NSUN3: variants seen among roughly 807,000 people sequenced by gnomAD.
NSUN3 encodes tRNA (cytosine(34)-C(5))-methyltransferase, mitochondrial.
Under a neutral mutation model 36.8 loss-of-function variants are expected in NSUN3, and 24 were observed. The observed-to-expected ratio is 0.65, with a 90% CI of 0.47 to 0.92. NSUN3 has a LOEUF of 0.92. NSUN3 is among the 40% of genes least tolerant of loss of function. The pLI, the probability that NSUN3 is intolerant of heterozygous loss-of-function variation, is 0.00. For synonymous variants in NSUN3, 146 were observed against 145.2 expected (o/e 1.01, Z -0.04); for missense variants, 381 against 392.8 (o/e 0.97, Z 0.25).
intron 2 of NSUN3, among the ~76,000 whole-genome samples, chr3:94,075,739 C>T (rs545397085): frequency 6.6e-6 from 1 of 151,958 alleles, no homozygotes; most frequent in South Asian, 2.1e-4. Flanking sequence ...AGCCCCCCCC[C>T]CCAATAATAT....
intron 2 of NSUN3, chr3:94,075,815 T>C: frequency 2.2e-6 from 2 of 895,556 alleles, no homozygotes; most frequent in Non-Finnish European, 3.3e-6. Flanking sequence ...GAGGGATACC[T>C]GAACAAAGTC....
intron 2 of NSUN3, among the ~76,000 whole-genome samples, chr3:94,083,808 C>T (rs1359368459): frequency 1.3e-5 from 2 of 152,146 alleles, no homozygotes; most frequent in African/African-American, 2.4e-5. Flanking sequence ...TCCTTGTCTT[C>T]AGACTCTATT....
intron 3 of NSUN3, 83 bp from the exon 4 acceptor site, chr3:94,094,055 TTC>T (rs2077327277): frequency 3.1e-6 from 3 of 983,048 alleles, no homozygotes; most frequent in Non-Finnish European, 1.5e-6. Flanking sequence ...ATGAGTTAAT[TTC>T]TTTCTGAAAT....
chr3:94,079,938 C>G (rs1389424582), intron 2 of NSUN3, among the ~76,000 whole-genome samples: 2 of 152,078 alleles, frequency 1.3e-5, no homozygotes, highest in African/African-American at 4.8e-5. Flanking sequence ...GTCAGTTTGT[C>G]AAACTCATTC....
Position 94,131,667 on chromosome 3 carries a change from G to A in NSUN3, c.*5177G>A, listed in dbSNP as rs963539142. Among the ~76,000 whole-genome samples the A allele has an allele frequency of 1.3e-5, 2 of 152,202 alleles. No individual in the cohort carries two copies. The highest frequency in any genetic ancestry group is 4.8e-5 in the African/African-American group (2 of 41,452). ...TTGGAGCAGACTTGCAGTGTCAATT[G>A]TAAAGCAAAGAGTAATTGATATTAC... On this transcript the variant is annotated 3_prime_UTR_variant, in exon 6 of 6. Transcript: ENST00000314622.
intron 5 of NSUN3, among the ~76,000 whole-genome samples, chr3:94,104,685 A>G (rs1576095682): frequency 1.3e-5 from 2 of 152,240 alleles, no homozygotes; most frequent in East Asian, 1.9e-4. Flanking sequence ...CTACTGAAGT[A>G]TTTCTAATAA....
intron 3 of NSUN3, among the ~76,000 whole-genome samples, chr3:94,090,875 G>A (rs2077312152): frequency 6.6e-6 from 1 of 152,084 alleles, no homozygotes; most frequent in Non-Finnish European, 1.5e-5. Context: ...GCCTACCCAA[G>A]TAGAGCATCT....
At chr3:94,081,656 A>G (rs2077269651) in intron 2 of NSUN3, 2 of 152,194 alleles carry the variant, frequency 1.3e-5, no homozygotes, top group South Asian at 2.1e-4. Flanking sequence ...ATAATATACA[A>G]AAGCTAATGT....
intron 2 of NSUN3, among the ~76,000 whole-genome samples, chr3:94,066,828 A>G (rs138733801): frequency 6.6e-5 from 10 of 152,182 alleles, no homozygotes; most frequent in African/African-American, 2.2e-4. Flanking sequence ...CTACCTGCAT[A>G]TTTTATCTCA....
At chr3:94,064,707 A>C (rs1168086657) in intron 2 of NSUN3, among the ~76,000 whole-genome samples, 161 bp downstream of exon 2, 1 of 152,220 alleles carries the variant, frequency 6.6e-6, no homozygotes, top group East Asian at 1.9e-4. Flanking sequence ...AAGAAATAGA[A>C]TGAATCATAG....
At chr3:94,101,784 C>A (rs960418940) in intron 5 of NSUN3, among the ~76,000 whole-genome samples, 4 of 152,026 alleles carry the variant, frequency 2.6e-5, no homozygotes, top group East Asian at 1.9e-4. Flanking sequence ...TAATCAAATT[C>A]TTTTGCCTCA....
rs753321199 is a variant in NSUN3, at chr3:94,126,860, C to T, written c.*370C>T. On this transcript the variant is annotated 3_prime_UTR_variant, in exon 6 of 6. Transcript: ENST00000314622. The stretch of plus-strand genomic sequence containing the variant: ...CAAAAATTCACATTTTCCAGCGCTC[C>T]GACCATTTTCCCGCTTATCAAATGT... 2.5e-4 allele frequency: 40 copies of T among 162,230 alleles called. 1 individual carries two copies. Among genetic ancestry groups the T allele is most frequent in the East Asian group, 1.4e-3 (8 of 5,560 alleles). 10.0% of individuals were successfully genotyped at this position (162,230 alleles called of 1,614,324 possible). A position where few individuals can be genotyped will look rare whatever the true frequency, so the allele number is the denominator to read the frequency against.
At chr3:94,125,703 T>C (rs992055017) in intron 5 of NSUN3, among the ~76,000 whole-genome samples, 6 of 152,230 alleles carry the variant, frequency 3.9e-5, no homozygotes, top group African/African-American at 1.4e-4. Context: ...ACTCTATCTT[T>C]TCCATGTTGA....
At chr3:94,106,034 G>C (rs1202385674) in intron 5 of NSUN3, among the ~76,000 whole-genome samples, 2 of 152,012 alleles carry the variant, frequency 1.3e-5, no homozygotes, top group African/African-American at 4.8e-5. Context: ...TTTTAGTGGA[G>C]CAGTTTTAAT....
At chr3:94,093,971 A>G (rs1453641911) in intron 3 of NSUN3, among the ~76,000 whole-genome samples, 169 bp from the exon 4 acceptor site, 1 of 152,198 alleles carries the variant, frequency 6.6e-6, no homozygotes, top group Non-Finnish European at 1.5e-5. Flanking sequence ...ACATACACAT[A>G]TACCTTATTT....
chr3:94,077,907 T>G (rs972785485), intron 2 of NSUN3, among the ~76,000 whole-genome samples: 14 of 152,172 alleles, frequency 9.2e-5, no homozygotes, highest in Non-Finnish European at 1.9e-4. Flanking sequence ...ATTCATTGAT[T>G]TTTTTGAAGG....
chr3:94,125,408 TG>T (rs2077481377), intron 5 of NSUN3, among the ~76,000 whole-genome samples: 1 of 152,196 alleles, frequency 6.6e-6, no homozygotes, highest in African/African-American at 2.4e-5. Flanking sequence ...GCTCTCTTCA[TG>T]GTAGAATGCA....
At position 94,084,040 on chromosome 3, in the gene NSUN3, G is replaced by A. The variant is rs569248376; in HGVS notation, c.123-67G>A. The A allele has an allele frequency of 3.3e-4, 385 of 1,150,236 alleles. 2 individuals are homozygous for A. The South Asian group carries it at 4.8e-3, about 14-fold the overall frequency. The allele number at this position is 1,150,236 out of a possible 1,614,324, so 71.3% of individuals were successfully genotyped here. A position where few individuals can be genotyped will look rare whatever the true frequency, so the allele number is the denominator to read the frequency against. On this transcript the variant is annotated intron_variant, in intron 2 of 5. Transcript: ENST00000314622. Reference sequence around the variant, plus strand: ...AACTAGGACCACATTCACCTGATTCGTAATATAAAATTGTATTGGTATGTA... The same window carrying A: ...AACTAGGACCACATTCACCTGATTCATAATATAAAATTGTATTGGTATGTA...
chr3:94,124,798 A>G (rs2077478713), intron 5 of NSUN3, among the ~76,000 whole-genome samples: 1 of 152,176 alleles, frequency 6.6e-6, no homozygotes, highest in Non-Finnish European at 1.5e-5. Flanking sequence ...CTAGAATGTA[A>G]GCTTCATGAG....
Sources: allele counts gnomAD v4.1 joint callset (sites outside exome capture counted in the v4.1 genomes callset), GRCh38; gene constraint gnomAD v4.1.1; transcripts MANE v1.5; gene names NCBI Gene and HGNC (gene_info 2026-07-23, HGNC 2026-07-21).